The following PLPPR1 variants were observed in gnomAD, a reference collection of about 807,000 sequenced individuals.
PLPPR1 encodes phospholipid phosphatase-related protein type 1.
In PLPPR1, 10 loss-of-function variants were observed where a neutral mutation model predicts 33.1. The observed-to-expected ratio is 0.30, with a 90% CI of 0.19 to 0.51. The LOEUF (loss-of-function observed/expected upper bound fraction) is 0.51. Among genes scored for constraint, PLPPR1 ranks in the 20% least tolerant of loss-of-function variants. The pLI is 0.97. For missense variants in PLPPR1, 304 were observed against 408.1 expected, an observed-to-expected ratio of 0.74 and a Z score of 2.20; for synonymous variants, 151 against 151.0, an observed-to-expected ratio of 1.00 and a Z score of 0.00.
At chr9:101,161,976 T>C (rs1260524045) in intron 1 of PLPPR1, among the ~76,000 whole-genome samples, 1 of 152,046 alleles carries the variant, frequency 6.6e-6, no homozygotes, top group African/African-American at 2.4e-5. Context: ...GCTAGCACGG[T>C]AAAGTAGGAA....
intron 1 of PLPPR1, among the ~76,000 whole-genome samples, chr9:101,125,130 T>A (rs1256297213): frequency 1.3e-5 from 2 of 151,094 alleles, no homozygotes; most frequent in Non-Finnish European, 3.0e-5. Context: ...GCACTGACCT[T>A]ATATTGCTAG....
intron 1 of PLPPR1, among the ~76,000 whole-genome samples, chr9:101,039,668 A>G (rs1365793048): frequency 6.6e-6 from 1 of 152,168 alleles, no homozygotes; most frequent in Non-Finnish European, 1.5e-5. Context: ...CAATCATGGC[A>G]GAAGGCAAGG....
chr9:101,317,430 T>C lies in PLPPR1; in HGVS notation c.879T>C (p.Asp293=), dbSNP rs1045674628. The C allele has an allele frequency of 6.2e-7, 1 of 1,613,880 alleles. No individual in the cohort carries two copies. Among genetic ancestry groups the C allele is most frequent in the Non-Finnish European group, 8.5e-7 (1 of 1,179,934 alleles). ...CTCCTTCCAAACCCAAGCCTGAGGATCCCCGTGGAGTACCCCTAATGGCTT... is the reference window on the plus strand; with the variant it reads ...CTCCTTCCAAACCCAAGCCTGAGGACCCCCGTGGAGTACCCCTAATGGCTT... ...QGSPSKPKPE[D]PRGVPLMAFP... The change falls in exon 7 of 8, where the codon GAT becomes GAC. Residue 293 remains aspartate, a synonymous_variant. Coordinates refer to ENST00000374874, the MANE Select transcript of PLPPR1 (RefSeq NM_207299.2).
At position 101,317,514 on chromosome 9, in the gene PLPPR1, T is replaced by C; in HGVS notation, c.945+18T>C. The C allele has an allele frequency of 1.2e-6, 2 of 1,608,978 alleles. No individual in the cohort carries two copies. Among genetic ancestry groups the C allele is most frequent in the Middle Eastern group, 3.3e-4 (2 of 6,014 alleles). On this transcript the variant is annotated intron_variant, in intron 7 of 7. Coordinates refer to ENST00000374874, the MANE Select transcript of PLPPR1 (RefSeq NM_207299.2). ...GTGCACAGGTATGGTAAAGCAGTTT[T>C]AGCAAACCAAACCCACAGGCTGAAC...
chr9:101,223,822 A>G (rs1827004006), intron 2 of PLPPR1, among the ~76,000 whole-genome samples: 1 of 152,168 alleles, frequency 6.6e-6, no homozygotes, highest in Admixed American at 6.5e-5. Context: ...ATTTCTTCGT[A>G]GCTGCATGAG....
At chr9:101,089,288 TATAGATAGATAGATAG>T (rs60312729) in intron 1 of PLPPR1, among the ~76,000 whole-genome samples, 8 of 150,256 alleles carry the variant, frequency 5.3e-5, no homozygotes, top group Admixed American at 1.3e-4. Flanking sequence ...AAAGCTAGAA[TATAGATAGATAGATAG>T]ATAGATAGAT....
rs190609211 is a variant in PLPPR1, at chr9:101,161,769, C to T, written c.-45-23681C>T. ...CAAAAAAAGTATTACCTTTTTCAAA[C>T]TGTAAAAGTTCTTTTCTGAAACTCT... On this transcript the variant is annotated intron_variant, in intron 1 of 7. Coordinates refer to ENST00000374874, the MANE Select transcript of PLPPR1 (RefSeq NM_207299.2). Among the ~76,000 whole-genome samples the T allele has an allele frequency of 7.2e-5, 11 of 152,206 alleles. No homozygotes were observed. In the East Asian group the frequency reaches 1.9e-3, roughly 27 times the overall value.
intron 4 of PLPPR1, among the ~76,000 whole-genome samples, chr9:101,292,161 C>T (rs187374721): frequency 5.9e-5 from 9 of 151,840 alleles, no homozygotes; most frequent in South Asian, 2.1e-4. Context: ...CCTCAGGAGC[C>T]GACGCAATCA....
At chr9:101,044,003 A>G (rs907784104) in intron 1 of PLPPR1, among the ~76,000 whole-genome samples, 3 of 152,204 alleles carry the variant, frequency 2.0e-5, no homozygotes, top group African/African-American at 7.2e-5. Flanking sequence ...AAAAACAAAG[A>G]TAAATAGGTG....
At chr9:101,291,815 G>A (rs540486600) in intron 4 of PLPPR1, among the ~76,000 whole-genome samples, 8 of 151,956 alleles carry the variant, frequency 5.3e-5, no homozygotes, top group East Asian at 1.9e-4. Context: ...AAAGACCAAA[G>A]GTAGATAAAA....
intron 1 of PLPPR1, among the ~76,000 whole-genome samples, chr9:101,086,634 A>G (rs1269511747): frequency 6.6e-6 from 1 of 152,246 alleles, no homozygotes; most frequent in African/African-American, 2.4e-5. Context: ...CTCTCACCCA[A>G]CATTTGTTCT....
intron 1 of PLPPR1, among the ~76,000 whole-genome samples, chr9:101,181,805 A>G (rs1008733536): frequency 3.4e-5 from 5 of 148,648 alleles, no homozygotes; most frequent in Non-Finnish European, 6.0e-5. Flanking sequence ...GATTTTCTTC[A>G]TTCATTAATA....
chr9:101,294,443 C>T (rs1339068211), intron 4 of PLPPR1, among the ~76,000 whole-genome samples: 3 of 152,114 alleles, frequency 2.0e-5, no homozygotes, highest in Non-Finnish European at 1.5e-5. Context: ...TCCTCCCTAA[C>T]TCATTTTATG....
intron 2 of PLPPR1, among the ~76,000 whole-genome samples, chr9:101,190,620 C>A (rs1328216466): frequency 1.3e-5 from 2 of 152,066 alleles, no homozygotes; most frequent in African/African-American, 2.4e-5. Flanking sequence ...CTCTACAATT[C>A]AAAGTTGCTG....
chr9:101,172,033 A>G (rs1251221687), intron 1 of PLPPR1, among the ~76,000 whole-genome samples: 1 of 152,112 alleles, frequency 6.6e-6, no homozygotes, highest in East Asian at 1.9e-4. Flanking sequence ...TCCAATTAAG[A>G]TTTGGCATCA....
chr9:101,169,040 C>T (rs1057373557), intron 1 of PLPPR1, among the ~76,000 whole-genome samples: 7 of 152,086 alleles, frequency 4.6e-5, no homozygotes, highest in African/African-American at 1.2e-4. Flanking sequence ...AATACAAATA[C>T]GTAAGTATGC....
In PLPPR1 at chr9:101,217,707, T is replaced by C. The variant is rs553015121; in HGVS notation, c.63+32150T>C. On this transcript the variant is annotated intron_variant, in intron 2 of 7. Coordinates refer to ENST00000374874, the MANE Select transcript of PLPPR1 (RefSeq NM_207299.2). The stretch of plus-strand genomic sequence containing the variant: ...TAGACCAGGTTTGGCCCATGAGCCA[T>C]AGTTTGTTGATTCTTTGTCTATATG... Among the ~76,000 whole-genome samples, 9 of 152,330 alleles carry C rather than the reference T, an allele frequency of 5.9e-5. No homozygotes were observed. In the East Asian group the frequency reaches 1.7e-3, roughly 29 times the overall value.
intron 1 of PLPPR1, among the ~76,000 whole-genome samples, chr9:101,153,393 C>T (rs567803895): frequency 6.6e-6 from 1 of 152,222 alleles, no homozygotes; most frequent in East Asian, 1.9e-4. Context: ...TTTCTTTCTC[C>T]TGCCTGATTG....
chr9:101,111,669 CAGTT>C (rs1235783862), intron 1 of PLPPR1, among the ~76,000 whole-genome samples: 1 of 152,144 alleles, frequency 6.6e-6, no homozygotes, highest in Non-Finnish European at 1.5e-5. Context: ...GAAGCACTGT[CAGTT>C]ACTTTGTGAA....
Sources: gnomAD v4.1 joint callset for allele counts (sites outside exome capture counted in the v4.1 genomes callset) on GRCh38, gnomAD v4.1.1 for gene constraint, MANE v1.5 for transcripts, NCBI Gene and HGNC (gene_info 2026-07-23, HGNC 2026-07-21) for gene names.